DMD: variants seen among roughly 807,000 people sequenced by gnomAD.
The protein encoded by DMD is mutant dystrophin.
Under a neutral mutation model 330.1 loss-of-function variants are expected in DMD, and 63 were observed. The ratio of observed to expected loss-of-function variants is 0.19; its 90% confidence interval spans 0.16 to 0.24. The LOEUF is 0.24. DMD is among the 10% of genes least tolerant of loss of function. The pLI is 1.00. For synonymous variants in DMD, 1,223 were observed against 959.8 expected, an observed-to-expected ratio of 1.27 and a Z score of -5.07; for missense variants, 3,344 against 2,684.1, an observed-to-expected ratio of 1.25 and a Z score of -5.43.
intron 11 of DMD, among the ~76,000 whole-genome samples, chrX:32,617,713 A>G (rs2057692404): frequency 9.0e-6 from 1 of 111,442 alleles, no homozygotes; most frequent in Non-Finnish European, 1.9e-5. Context: ...TAGACTGAGG[A>G]CTTATACCAA....
At chrX:32,001,805 G>A (rs747594131) in intron 44 of DMD, among the ~76,000 whole-genome samples, 2 of 111,572 alleles carry the variant, frequency 1.8e-5, no homozygotes, top group South Asian at 7.5e-4. Flanking sequence ...GGAAAAACGT[G>A]TGACCAATTC....
intron 30 of DMD, among the ~76,000 whole-genome samples, chrX:32,411,085 A>C (rs764861760): frequency 8.9e-6 from 1 of 111,947 alleles, no homozygotes; most frequent in South Asian, 3.8e-4. Context: ...CGAGGAGTTT[A>C]TAATAAAATG....
intron 11 of DMD, among the ~76,000 whole-genome samples, chrX:32,616,690 C>CTTTT (rs1173392895): frequency 1.3e-3 from 77 of 60,219 alleles, no homozygotes; most frequent in African/African-American, 2.6e-3. Flanking sequence ...GTTCTGGTTC[C>CTTTT]TTTTTTTTTT....
At chrX:31,154,749 AAT>A (rs1280037673) in intron 74 of DMD, among the ~76,000 whole-genome samples, 18 of 111,805 alleles carry the variant, frequency 1.6e-4, no homozygotes, top group African/African-American at 5.2e-4. Flanking sequence ...AATACAGATG[AAT>A]ATATGTCAGT....
chrX:32,756,222 T>A (rs1418207041), intron 7 of DMD: 1 of 112,162 alleles, frequency 8.9e-6, no homozygotes, highest in Non-Finnish European at 1.9e-5. Flanking sequence ...CAAAAAAGTT[T>A]AAAAATATTT....
At chrX:31,203,014 G>C (rs1311896837) in intron 67 of DMD, among the ~76,000 whole-genome samples, 1 of 111,806 alleles carries the variant, frequency 8.9e-6, no homozygotes, top group Non-Finnish European at 1.9e-5. Flanking sequence ...AGGCACGGTG[G>C]CTTACGCCTG....
chrX:31,388,671 G>A (rs1569536812), intron 60 of DMD, among the ~76,000 whole-genome samples: 1 of 111,944 alleles, frequency 8.9e-6, no homozygotes, highest in Non-Finnish European at 1.9e-5. Context: ...GGAGGCCAAG[G>A]TGGGCGGATC....
At chrX:31,710,587 T>C (rs908653817) in intron 52 of DMD, among the ~76,000 whole-genome samples, 8 of 111,938 alleles carry the variant, frequency 7.1e-5, no homozygotes. Context: ...GTCTTCTGGA[T>C]AGTCCTCACT....
chrX:32,630,897 G>A (rs887952972), intron 11 of DMD, among the ~76,000 whole-genome samples: 1 of 111,732 alleles, frequency 8.9e-6, no homozygotes, highest in African/African-American at 3.3e-5. Context: ...GTTCATCAAT[G>A]TCTGGGCATT....
chrX:32,654,942 GT>G (rs1315389917), intron 9 of DMD, among the ~76,000 whole-genome samples: 1 of 111,941 alleles, frequency 8.9e-6, no homozygotes, highest in East Asian at 2.8e-4. Context: ...GCGTAGAGGT[GT>G]TTACAGTTTT....
At chrX:33,273,160 C>A (rs780226558) in intron 1 of DMD, among the ~76,000 whole-genome samples, 1 of 112,213 alleles carries the variant, frequency 8.9e-6, no homozygotes, top group South Asian at 3.7e-4. Context: ...GAGCTCTGAA[C>A]AACAATGTAA....
At chrX:32,632,584 T>C (rs1042682161) in intron 11 of DMD, among the ~76,000 whole-genome samples, 2 of 112,508 alleles carry the variant, frequency 1.8e-5, no homozygotes, top group Non-Finnish European at 3.8e-5. Context: ...ATACAACCTC[T>C]AAAATCTAGA....
At chrX:32,809,373 C>A (rs1192632942) in intron 7 of DMD, 120 bp downstream of exon 7, 4 of 585,988 alleles carry the variant, frequency 6.8e-6, no homozygotes, top group Non-Finnish European at 1.2e-5. Context: ...TTAAATATAT[C>A]TACAGTATTG....
intron 54 of DMD, among the ~76,000 whole-genome samples, chrX:31,648,594 C>T (rs1277063030): frequency 1.4e-5 from 1 of 74,057 alleles, no homozygotes; most frequent in Non-Finnish European, 2.3e-5. Context: ...TATCAGGTTT[C>T]CCTACGGGGT....
chrX:32,764,391 C>A (rs960664234), intron 7 of DMD, among the ~76,000 whole-genome samples: 7 of 110,813 alleles, frequency 6.3e-5, no homozygotes, highest in Non-Finnish European at 1.3e-4. Flanking sequence ...TGTCACCATC[C>A]CCACCATCCA....
intron 2 of DMD, among the ~76,000 whole-genome samples, chrX:32,853,047 G>A (rs1371888954): frequency 8.9e-6 from 1 of 112,047 alleles, no homozygotes; most frequent in Non-Finnish European, 1.9e-5. Context: ...AAACTTACAG[G>A]CTAAGACATG....
At chrX:32,695,206 A>G (rs181449705) in intron 9 of DMD, among the ~76,000 whole-genome samples, 1 of 112,102 alleles carries the variant, frequency 8.9e-6, no homozygotes, top group African/African-American at 3.2e-5. Context: ...ACCCTACTAT[A>G]ATGAGCATGG....
intron 62 of DMD, among the ~76,000 whole-genome samples, chrX:31,305,169 G>A (rs761522576): frequency 6.3e-5 from 7 of 111,545 alleles, no homozygotes; most frequent in African/African-American, 9.7e-5. Context: ...TATGGGATAC[G>A]ATGTGATGTT....
chrX:31,953,323 G>C (rs1205437693), intron 45 of DMD, among the ~76,000 whole-genome samples: 2 of 111,824 alleles, frequency 1.8e-5, no homozygotes, highest in Admixed American at 1.9e-4. Flanking sequence ...AATGCTTCTG[G>C]ACATGGAGTT....
Sources: allele counts gnomAD v4.1 joint callset (sites outside exome capture counted in the v4.1 genomes callset), GRCh38; gene constraint gnomAD v4.1.1; transcripts MANE v1.5; gene names NCBI Gene and HGNC (gene_info 2026-07-23, HGNC 2026-07-21).